The following RAD51AP2 variants were observed in gnomAD, a reference collection of about 807,000 sequenced individuals.
RAD51AP2 encodes the protein RAD51 associated protein 2, also known as RAD51-associated protein 2.
Under a neutral mutation model 85.5 loss-of-function variants are expected in RAD51AP2, and 67 were observed. The observed-to-expected ratio is 0.78, with a 90% CI of 0.64 to 0.96. The LOEUF (loss-of-function observed/expected upper bound fraction) is 0.96, where lower values mean the gene tolerates loss of function less well. Ranked by LOEUF, RAD51AP2 falls within the 40% of genes least tolerant of loss-of-function variation. The pLI, the probability that RAD51AP2 is intolerant of heterozygous loss-of-function variation, is 0.00. For synonymous variants in RAD51AP2, 474 were observed against 446.5 expected (o/e 1.06, Z -0.78); for missense variants, 1,307 against 1,332.4 (o/e 0.98, Z 0.30).
upstream of RAD51AP2, among the ~76,000 whole-genome samples, chr2:17,522,169 T>C (rs1409623338): frequency 6.6e-6 from 1 of 152,068 alleles, no homozygotes; most frequent in East Asian, 1.9e-4. Context: ...CAGAATAAAA[T>C]ACAAACTTTA....
rs558436543 is a variant in RAD51AP2, at chr2:17,515,433, T to G, written c.2983A>C (p.Asn995His). ...NELLSTVETN[N>H]GQENYFGEND... ...TCTCCAAAGTAATTTTCTTGCCCAT[T>G]GTTTGTTTCCACAGTGCTTAGAAGT... The change falls in exon 1 of 3, where the codon AAT becomes CAT. Residue 995 changes from asparagine to histidine, a missense_variant. Asn to His is a moderately conservative substitution (Grantham distance 68, BLOSUM62 1). This residue lies in a region of RAD51AP2 where 668 missense variants were observed against 671.0 expected (regional missense o/e 1.00). Coordinates refer to ENST00000399080, the MANE Select transcript of RAD51AP2 (RefSeq NM_001099218.3). 2 of 1,612,978 alleles carry G rather than the reference T, an allele frequency of 1.2e-6. No individual in the cohort carries two copies. Among genetic ancestry groups the G allele is most frequent in the African/African-American group, 1.3e-5 (1 of 74,982 alleles).
At chr2:17,525,685 A>T in the RAD51AP2 span, among the ~76,000 whole-genome samples, 1 of 152,002 alleles carries the variant, frequency 6.6e-6, no homozygotes, top group African/African-American at 2.4e-5. Flanking sequence ...CATGCTCATC[A>T]CCCACTTAAC....
In RAD51AP2 at chr2:17,518,440, C is replaced by A; in HGVS notation, c.-25G>T. The A allele has an allele frequency of 6.3e-7, 1 of 1,592,058 alleles. No homozygotes were observed. The highest frequency in any genetic ancestry group is 1.1e-5 in the South Asian group (1 of 87,370). On this transcript the variant is annotated 5_prime_UTR_variant, in exon 1 of 3. Transcript: ENST00000399080. Reference sequence around the variant, plus strand: ...TGACAGCGAATGGAAAGGATCTGTCCGAGTCCCGGCGGGGCTCCAATCCCT... The same window carrying A: ...TGACAGCGAATGGAAAGGATCTGTCAGAGTCCCGGCGGGGCTCCAATCCCT...
chr2:17,520,768 T>TTA (rs1553295216), upstream of RAD51AP2, among the ~76,000 whole-genome samples: 20 of 150,898 alleles, frequency 1.3e-4, no homozygotes, highest in East Asian at 1.2e-3. Flanking sequence ...TTTTTTTTTT[T>TTA]AAACAATTTG....
chr2:17,512,188 G>A (rs930367269), intron 2 of RAD51AP2, among the ~76,000 whole-genome samples: 2 of 152,164 alleles, frequency 1.3e-5, no homozygotes, highest in African/African-American at 4.8e-5. Flanking sequence ...AAGAGAAGAG[G>A]CATCATGATG....
chr2:17,527,244 A>C, the RAD51AP2 span, among the ~76,000 whole-genome samples: 1 of 152,136 alleles, frequency 6.6e-6, no homozygotes, highest in Non-Finnish European at 1.5e-5. Flanking sequence ...TTTTAGAATG[A>C]AAGAAAAAGA....
upstream of RAD51AP2, among the ~76,000 whole-genome samples, chr2:17,520,889 C>T (rs1662842945): frequency 6.6e-6 from 1 of 151,996 alleles, no homozygotes; most frequent in South Asian, 2.1e-4. Context: ...AATGGCCCTA[C>T]TCAAAAGTTA....
In RAD51AP2 at chr2:17,517,639, G is replaced by C. The variant is rs1662727952; in HGVS notation, c.777C>G (p.Val259=). The C allele has an allele frequency of 6.2e-7, 1 of 1,613,896 alleles. No homozygotes were observed. Among genetic ancestry groups the C allele is most frequent in the Admixed American group, 1.7e-5 (1 of 59,994 alleles). Residue 259 remains valine (V), a synonymous_variant, in exon 1 of 3, where the codon GTC becomes GTG. Transcript: ENST00000399080. The part of the protein sequence containing the change: ...SYFRDSGTIS[V]PQFPMDLNSK... ...TATTTAAGTCCATTGGAAACTGAGGGACACTTATTGTGCCGCTATCTCTAA... is the reference window on the plus strand; with the variant it reads ...TATTTAAGTCCATTGGAAACTGAGGCACACTTATTGTGCCGCTATCTCTAA...
At chr2:17,537,531 C>A in the RAD51AP2 span, among the ~76,000 whole-genome samples, 149 of 152,206 alleles carry the variant, frequency 9.8e-4, no homozygotes, top group Non-Finnish European at 1.7e-3. Flanking sequence ...TTCAAGTTTT[C>A]TTCCAATTTT....
At chr2:17,514,908 A>G (rs1388652292) in intron 1 of RAD51AP2, among the ~76,000 whole-genome samples, 1 of 151,622 alleles carries the variant, frequency 6.6e-6, no homozygotes, top group Non-Finnish European at 1.5e-5. Flanking sequence ...CTGTATGAAA[A>G]CACCTTTTTT....
chr2:17,515,435 T>C lies in RAD51AP2; in HGVS notation c.2981A>G (p.Asn994Ser), dbSNP rs897881930. The change falls in exon 1 of 3, where the codon AAC becomes AGC. Residue 994 changes from asparagine to serine, a missense_variant. By Grantham distance (46) the Asn-to-Ser change is conservative. Coordinates refer to ENST00000399080, the MANE Select transcript of RAD51AP2 (RefSeq NM_001099218.3). Reference protein sequence around the residue: ...ENELLSTVETNNGQENYFGEN... With the variant: ...ENELLSTVETSNGQENYFGEN... ...TCCAAAGTAATTTTCTTGCCCATTG[T>C]TTGTTTCCACAGTGCTTAGAAGTTC... 2.5e-6 allele frequency: 4 copies of C among 1,613,192 alleles called. No individual in the cohort carries two copies. In the African/African-American group the frequency reaches 4.0e-5, roughly 16 times the overall value.
Position 17,518,014 on chromosome 2 carries a change from C to T in RAD51AP2, c.402G>A (p.Glu134=). 1 of 1,614,154 alleles carries T rather than the reference C, an allele frequency of 6.2e-7. No homozygotes were observed. The highest frequency in any genetic ancestry group is 8.5e-7 in the Non-Finnish European group (1 of 1,180,018). Residue 134 remains glutamate (E), a synonymous_variant, in exon 1 of 3, where the codon GAG becomes GAA. Coordinates refer to ENST00000399080, the MANE Select transcript of RAD51AP2 (RefSeq NM_001099218.3). ...AAGCCTCTCTGTCATGCAGGCCTGC[C>T]TCAGACCTTCCTGAAGCCCTCAAAT... ...DSDLRASGRS[E]AGLHDREAFS...
rs778053752 is a variant in RAD51AP2, at chr2:17,516,968, C to T, written c.1448G>A (p.Gly483Glu). ...CAACTGTAGAGTATTATCATTTTCT[C>T]CTTTACCATTTAGCCAAACAGTCGT... is the stretch of plus-strand genomic sequence containing the variant. ...LITTVWLNGK[G>E]ENDNTLQLRY... is the part of the protein sequence containing the mutation. Residue 483 changes from glycine (G) to glutamate (E), a missense_variant, in exon 1 of 3, where the codon GGA (glycine) becomes GAA (glutamate). Physicochemically the swap from Gly to Glu is moderately conservative, Grantham distance 98 (BLOSUM62 -2). This residue lies in a region of RAD51AP2 where 635 missense variants were observed against 643.6 expected (regional missense o/e 0.99). Transcript: ENST00000399080. 6 of 1,596,792 alleles carry T rather than the reference C, an allele frequency of 3.8e-6. No individual in the cohort carries two copies. In the African/African-American group the frequency reaches 5.4e-5, roughly 14 times the overall value.
the RAD51AP2 span, among the ~76,000 whole-genome samples, chr2:17,532,877 G>C: frequency 6.6e-6 from 1 of 152,204 alleles, no homozygotes; most frequent in Non-Finnish European, 1.5e-5. Context: ...AACAGACCAT[G>C]TTCTACTTTA....
At chr2:17,527,941 C>T in the RAD51AP2 span, among the ~76,000 whole-genome samples, 5 of 152,278 alleles carry the variant, frequency 3.3e-5, no homozygotes, top group East Asian at 9.6e-4. Flanking sequence ...ATCAGAACTG[C>T]ATTCTCCCAG....
chr2:17,528,348 T>C, the RAD51AP2 span, among the ~76,000 whole-genome samples: 3 of 152,222 alleles, frequency 2.0e-5, no homozygotes, highest in East Asian at 5.8e-4. Flanking sequence ...AGTTTAAGTA[T>C]GGGTAGGCGA....
rs201442487 is a variant in RAD51AP2, at chr2:17,517,107, C to T, written c.1309G>A (p.Glu437Lys). 1.9e-5 allele frequency: 30 copies of T among 1,612,222 alleles called. No individual in the cohort carries two copies. Among genetic ancestry groups the T allele is most frequent in the Non-Finnish European group, 2.5e-5 (30 of 1,179,224 alleles). The change falls in exon 1 of 3, where the codon GAA (glutamate) becomes AAA (lysine). Residue 437 changes from glutamate to lysine, a missense_variant. Transcript: ENST00000399080. ...EEKWNWLLLLEIDLLSKEDYH... is the reference protein window; with the variant it reads ...EEKWNWLLLLKIDLLSKEDYH... ...TCTTCCTTGCTTAAAAGGTCTATTT[C>T]TAATAATAATAGCCAATTCCATTTT...
the RAD51AP2 span, among the ~76,000 whole-genome samples, chr2:17,524,871 T>A: frequency 6.6e-6 from 1 of 151,694 alleles, no homozygotes; most frequent in East Asian, 1.9e-4. Context: ...CTATACAAAA[T>A]AGGCAAGGAA....
upstream of RAD51AP2, among the ~76,000 whole-genome samples, chr2:17,523,225 A>T (rs548947938): frequency 6.6e-6 from 1 of 151,948 alleles, no homozygotes; most frequent in Non-Finnish European, 1.5e-5. Flanking sequence ...AACATTTTTA[A>T]TTACAATAAT....
Sources: allele counts gnomAD v4.1 joint callset (sites outside exome capture counted in the v4.1 genomes callset), GRCh38; gene constraint gnomAD v4.1.1; regional missense constraint gnomAD v4.1.1; transcripts MANE v1.5; gene names NCBI Gene and HGNC (gene_info 2026-07-23, HGNC 2026-07-21).